FAT3: variants seen among roughly 807,000 people sequenced by gnomAD.
FAT3 encodes FAT atypical cadherin 3.
FAT3 carries 95 observed loss-of-function variants against 310.2 expected under a neutral mutation model. That is an observed-to-expected ratio of 0.31 (90% CI 0.26 to 0.36). The LOEUF is 0.36. Among genes scored for constraint, FAT3 ranks in the 10% least tolerant of loss-of-function variants. FAT3 has a pLI of 1.00. For synonymous variants in FAT3, 2,314 were observed against 2,192.9 expected, an observed-to-expected ratio of 1.06 and a Z score of -1.54; for missense variants, 5,408 against 5,715.6, an observed-to-expected ratio of 0.95 and a Z score of 1.74.
intron 1 of FAT3, among the ~76,000 whole-genome samples, chr11:92,245,382 C>T (rs1460642365): frequency 6.6e-6 from 1 of 152,024 alleles, no homozygotes; most frequent in Non-Finnish European, 1.5e-5. Context: ...AGGAGAAATA[C>T]CTAATGTAGA....
At chr11:92,794,534 A>C (rs1947119341) in intron 9 of FAT3, among the ~76,000 whole-genome samples, 1 of 152,230 alleles carries the variant, frequency 6.6e-6, no homozygotes, top group Non-Finnish European at 1.5e-5. Flanking sequence ...ATAATGTTTC[A>C]ACCAGTTTGG....
intron 22 of FAT3, among the ~76,000 whole-genome samples, chr11:92,872,490 A>T (rs1024901657): frequency 6.6e-6 from 1 of 152,148 alleles, no homozygotes; most frequent in African/African-American, 2.4e-5. Context: ...ATGGAAAAAA[A>T]TTTTTCTGGG....
intron 4 of FAT3, among the ~76,000 whole-genome samples, chr11:92,714,288 T>C (rs188372409): frequency 2.9e-4 from 44 of 152,322 alleles, no homozygotes; most frequent in African/African-American, 1.0e-3. Flanking sequence ...TTAATGCTCA[T>C]TCTGAGGCTT....
intron 4 of FAT3, among the ~76,000 whole-genome samples, chr11:92,758,943 G>T (rs907291005): frequency 6.6e-6 from 1 of 152,016 alleles, no homozygotes; most frequent in East Asian, 1.9e-4. Flanking sequence ...AGGTTTGAGG[G>T]TATTGATTTC....
At chr11:92,242,437 A>G (rs1416050176) in intron 1 of FAT3, among the ~76,000 whole-genome samples, 1 of 151,988 alleles carries the variant, frequency 6.6e-6, no homozygotes, top group Non-Finnish European at 1.5e-5. Flanking sequence ...TGCAATTTTT[A>G]AAGTAAAAGC....
chr11:92,244,837 A>G (rs1864832161), intron 1 of FAT3, among the ~76,000 whole-genome samples: 1 of 152,122 alleles, frequency 6.6e-6, no homozygotes, highest in Non-Finnish European at 1.5e-5. Context: ...AAAGTCAGGA[A>G]ACAACAGATG....
At chr11:92,340,210 G>A (rs545313056) in intron 1 of FAT3, among the ~76,000 whole-genome samples, 3 of 152,132 alleles carry the variant, frequency 2.0e-5, no homozygotes, top group African/African-American at 4.8e-5. Flanking sequence ...GAAAGCATGG[G>A]AAAGGCATTG....
intron 2 of FAT3, among the ~76,000 whole-genome samples, chr11:92,373,403 G>A (rs1949250198): frequency 6.6e-6 from 1 of 152,108 alleles, no homozygotes; most frequent in Non-Finnish European, 1.5e-5. Context: ...CTATAACTCA[G>A]CCTCGTCAAA....
intron 2 of FAT3, among the ~76,000 whole-genome samples, chr11:92,418,421 C>T (rs1950462236): frequency 3.0e-5 from 1 of 32,852 alleles, no homozygotes; most frequent in South Asian, 2.6e-3. Context: ...AGTTAAACAC[C>T]CCCCCCACCC....
chr11:92,706,519 T>C (rs1270403196), intron 4 of FAT3, among the ~76,000 whole-genome samples: 1 of 151,934 alleles, frequency 6.6e-6, no homozygotes, highest in African/African-American at 2.4e-5. Flanking sequence ...CAGCAGGAAG[T>C]CTTAATTTGT....
intron 5 of FAT3, among the ~76,000 whole-genome samples, chr11:92,763,457 A>G (rs1946213919): frequency 6.6e-6 from 1 of 151,398 alleles, no homozygotes. Flanking sequence ...ATTCAAGTGG[A>G]TACTGTTGGT....
intron 2 of FAT3, among the ~76,000 whole-genome samples, chr11:92,393,709 C>T (rs115918002): frequency 2.6e-5 from 4 of 152,218 alleles, no homozygotes; most frequent in Non-Finnish European, 4.4e-5. Context: ...TAATTAATTA[C>T]GAGTGCAGTA....
In FAT3 at chr11:92,230,893, A is replaced by G. The variant is rs980952581; in HGVS notation, c.-18+5719A>G. On this transcript the variant is annotated intron_variant, in intron 1 of 27. Coordinates refer to ENST00000525166, the MANE Select transcript of FAT3 (RefSeq NM_001367949.2). ...AGGAGTGTAAGTTATTAAAGTGAAT[A>G]TAATTCCATTTAATAATTCTTACTA... Among the ~76,000 whole-genome samples the G allele has an allele frequency of 2.6e-5, 4 of 152,336 alleles. No homozygotes were observed. The South Asian group carries it at 8.3e-4, about 32-fold the overall frequency.
chr11:92,396,715 A>AT (rs925726842), intron 2 of FAT3, among the ~76,000 whole-genome samples: 2 of 151,806 alleles, frequency 1.3e-5, no homozygotes, highest in Non-Finnish European at 2.9e-5. Context: ...TTATTTATTT[A>AT]TTTTTTTTGA....
At position 92,299,254 on chromosome 11, in the gene FAT3, G is replaced by A. The variant is rs184231659; in HGVS notation, c.-17-52842G>A. ...TTGGAAGTGCTGAGCACTTGTATTA[G>A]GCATCCTGGAAGTACCCAAGAAAGA... On this transcript the variant is annotated intron_variant, in intron 1 of 27. Coordinates refer to ENST00000525166, the MANE Select transcript of FAT3 (RefSeq NM_001367949.2). Among the ~76,000 whole-genome samples the A allele has an allele frequency of 1.0e-3, 159 of 152,156 alleles. 1 individual carries two copies. The highest frequency in any genetic ancestry group is 8.8e-4 in the Non-Finnish European group (60 of 67,990).
rs539646533 is a variant in FAT3 at position 92,855,203 on chromosome 11, T to C, written c.11366-2011T>C. On this transcript the variant is annotated intron_variant, in intron 19 of 27. Coordinates refer to ENST00000525166, the MANE Select transcript of FAT3 (RefSeq NM_001367949.2). The stretch of plus-strand genomic sequence containing the variant: ...AAAACAGCAGAGTCAGCTGGTAGGG[T>C]TGTGAACTTATTATGAATAAACATT... Among the ~76,000 whole-genome samples the C allele has an allele frequency of 1.2e-4, 18 of 152,238 alleles. 1 individual carries two copies. The South Asian group carries it at 3.1e-3, about 26-fold the overall frequency.
chr11:92,629,966 GT>G (rs1004825917), intron 3 of FAT3, among the ~76,000 whole-genome samples: 6 of 151,950 alleles, frequency 3.9e-5, no homozygotes, highest in African/African-American at 7.3e-5. Context: ...CCAAATCTTT[GT>G]TTTTTTTAGC....
rs771464331 is a variant in FAT3 at position 92,866,790 on chromosome 11, G to A, written c.11708G>A (p.Gly3903Glu). 6.2e-7 allele frequency: 1 copy of A among 1,613,838 alleles called. No homozygotes were observed. Among genetic ancestry groups the A allele is most frequent in the Non-Finnish European group, 8.5e-7 (1 of 1,179,866 alleles). ...CAGCTGGACTGCGGCAGCGGCCCTG[G>A]AATCTTGGGCATCTCGGGCCGTGCT... ...WFQLDCGSGP[G>E]ILGISGRAVN... The change falls in exon 22 of 28, where the codon GGA becomes GAA. Residue 3903 changes from glycine to glutamate, a missense_variant. Transcript: ENST00000525166.
chr11:92,466,592 A>G (rs1951765808), intron 2 of FAT3, among the ~76,000 whole-genome samples: 1 of 150,300 alleles, frequency 6.7e-6, no homozygotes, highest in Non-Finnish European at 1.5e-5. Context: ...TTATTTTATT[A>G]TTATTATACT....
Sources: allele counts gnomAD v4.1 joint callset (sites outside exome capture counted in the v4.1 genomes callset), GRCh38; gene constraint gnomAD v4.1.1; transcripts MANE v1.5; gene names NCBI Gene and HGNC (gene_info 2026-07-23, HGNC 2026-07-21).